Variants in TMEM233 observed in about 807,000 individuals in gnomAD.
TMEM233 encodes the protein transmembrane protein 233.
TMEM233 carries 6 observed loss-of-function variants against 11.2 expected under a neutral mutation model. That is an observed-to-expected ratio of 0.54 (90% CI 0.29 to 1.06). The LOEUF (loss-of-function observed/expected upper bound fraction) is 1.06, where lower values mean the gene tolerates loss of function less well. Ranked by LOEUF, TMEM233 falls within the 50% of genes least tolerant of loss-of-function variation. The pLI is 0.08. For synonymous variants in TMEM233, 59 were observed against 55.8 expected, an observed-to-expected ratio of 1.06 and a Z score of -0.26; for missense variants, 127 against 144.7, an observed-to-expected ratio of 0.88 and a Z score of 0.63.
intron 1 of TMEM233, among the ~76,000 whole-genome samples, chr12:119,615,794 T>C (rs1954517465): frequency 6.6e-6 from 1 of 152,160 alleles, no homozygotes; most frequent in Non-Finnish European, 1.5e-5. Flanking sequence ...TGAAGTGTTA[T>C]GAACTCTCAG....
chr12:119,650,674 G>A, the TMEM233 span, among the ~76,000 whole-genome samples: 10 of 151,772 alleles, frequency 6.6e-5, no homozygotes, highest in South Asian at 4.1e-4. Flanking sequence ...ACGGAGTCTC[G>A]CTCTGTTGCC....
At chr12:119,617,551 C>A (rs1019111203) in intron 1 of TMEM233, among the ~76,000 whole-genome samples, 1 of 152,092 alleles carries the variant, frequency 6.6e-6, no homozygotes, top group South Asian at 2.1e-4. Context: ...AAGAAAACCC[C>A]AGCCGGGCAC....
At chr12:119,646,775 A>G (rs12317821), downstream of TMEM233, among the ~76,000 whole-genome samples, 2,798 of 152,334 alleles carry the variant, frequency 0.018, 95 homozygotes, top group African/African-American at 0.064. Context: ...GATGATCCAG[A>G]AAAATCTCCT....
chr12:119,636,986 T>C (rs1429034300), intron 2 of TMEM233, among the ~76,000 whole-genome samples: 1 of 152,166 alleles, frequency 6.6e-6, no homozygotes, highest in Non-Finnish European at 1.5e-5. Flanking sequence ...GAGAGCCCAC[T>C]GAAGTATGTG....
At chr12:119,600,495 G>T (rs1378845728) in intron 1 of TMEM233, among the ~76,000 whole-genome samples, 1 of 152,030 alleles carries the variant, frequency 6.6e-6, no homozygotes, top group Non-Finnish European at 1.5e-5. Context: ...GGCTGAAGAA[G>T]TAATGTAAAA....
At chr12:119,628,492 CTTTTTTT>C (rs60789807) in intron 1 of TMEM233, among the ~76,000 whole-genome samples, 4 of 52,412 alleles carry the variant, frequency 7.6e-5, no homozygotes, top group Non-Finnish European at 1.3e-4. Flanking sequence ...CCAGCTCACT[CTTTTTTT>C]TTTTTTTTTT....
chr12:119,602,913 ATAT>A (rs1266899426), intron 1 of TMEM233, among the ~76,000 whole-genome samples: 1 of 152,146 alleles, frequency 6.6e-6, no homozygotes, highest in Non-Finnish European at 1.5e-5. Context: ...GGATTTTATT[ATAT>A]TACCCTGTCA....
At chr12:119,620,095 G>C (rs1023138139) in intron 1 of TMEM233, among the ~76,000 whole-genome samples, 10 of 152,302 alleles carry the variant, frequency 6.6e-5, no homozygotes, top group African/African-American at 2.2e-4. Context: ...TCATGAGGGA[G>C]AGCTGGCCAG....
At chr12:119,603,475 T>C (rs985184476) in intron 1 of TMEM233, among the ~76,000 whole-genome samples, 2 of 152,340 alleles carry the variant, frequency 1.3e-5, no homozygotes, top group African/African-American at 4.8e-5. Context: ...ATGATGACTT[T>C]GAAGAATACC....
At chr12:119,635,281 G>T (rs1006449363) in intron 2 of TMEM233, among the ~76,000 whole-genome samples, 1 of 152,102 alleles carries the variant, frequency 6.6e-6, no homozygotes, top group African/African-American at 2.4e-5. Flanking sequence ...ATTCATCTGG[G>T]ATGTTTATAA....
rs1955069401 is a variant in TMEM233, at chr12:119,640,731, G to A, written c.*26G>A. On this transcript the variant is annotated 3_prime_UTR_variant, in exon 3 of 3. Coordinates refer to ENST00000426426, the MANE Select transcript of TMEM233 (RefSeq NM_001136534.3). ...GGAACCAGCGGTCAGTGGGCTGTGA[G>A]CGTGGAGGATGGACCTCATCCACAC... 1.9e-6 allele frequency: 3 copies of A among 1,550,894 alleles called. No homozygotes were observed. The highest frequency in any genetic ancestry group is 2.6e-6 in the Non-Finnish European group (3 of 1,146,948).
intron 1 of TMEM233, among the ~76,000 whole-genome samples, chr12:119,606,036 C>A (rs143758468): frequency 3.9e-5 from 6 of 152,278 alleles, no homozygotes; most frequent in African/African-American, 1.4e-4. Context: ...CCCAGCACGA[C>A]TTTTAGGTGT....
intron 2 of TMEM233, among the ~76,000 whole-genome samples, chr12:119,633,657 AG>A: frequency 6.6e-6 from 1 of 152,018 alleles, no homozygotes; most frequent in East Asian, 1.9e-4. Flanking sequence ...TAGGGGCAAG[AG>A]AGAGAGAGAC....
At chr12:119,614,705 A>G (rs183242106) in intron 1 of TMEM233, among the ~76,000 whole-genome samples, 1 of 152,232 alleles carries the variant, frequency 6.6e-6, no homozygotes, top group Non-Finnish European at 1.5e-5. Flanking sequence ...ACACAGAAAC[A>G]CTGTTTGACT....
At chr12:119,620,657 G>A (rs2136738595) in intron 1 of TMEM233, among the ~76,000 whole-genome samples, 1 of 152,196 alleles carries the variant, frequency 6.6e-6, no homozygotes, top group East Asian at 1.9e-4. Flanking sequence ...AAGTTACAAA[G>A]GAAAGATTGC....
At chr12:119,640,193 C>T (rs938113044) in intron 2 of TMEM233, among the ~76,000 whole-genome samples, 5 of 152,056 alleles carry the variant, frequency 3.3e-5, no homozygotes, top group African/African-American at 1.2e-4. Context: ...CTTGCTCAGT[C>T]GCCCAGGCTG....
chr12:119,603,359 T>C (rs566581034), intron 1 of TMEM233, among the ~76,000 whole-genome samples: 59 of 152,304 alleles, frequency 3.9e-4, no homozygotes, highest in Non-Finnish European at 8.2e-4. Context: ...GCAGATAAGA[T>C]AACAAGACAG....
intron 1 of TMEM233, among the ~76,000 whole-genome samples, chr12:119,614,410 A>ATGAG (rs1954478238): frequency 1.8e-5 from 2 of 112,532 alleles, no homozygotes; most frequent in African/African-American, 4.6e-5. Flanking sequence ...CTCCATCTCA[A>ATGAG]CGAGAGAGAG....
chr12:119,620,829 G>GA lies in TMEM233; in HGVS notation c.187-8899dup, dbSNP rs200162343. Among the ~76,000 whole-genome samples, 545 of 151,610 alleles carry GA rather than the reference G, an allele frequency of 3.6e-3. 4 individuals carry two copies. Among genetic ancestry groups the GA allele is most frequent in the African/African-American group, 0.013 (523 of 41,370 alleles). ...GAAGTTGCCCACCCCATATTAAGTG[G>GA]AAAAAAAAGCAAATTGCAGAACACA... On this transcript the variant is annotated intron_variant, in intron 1 of 2. Transcript: ENST00000426426.
Sources: allele counts gnomAD v4.1 joint callset (sites outside exome capture counted in the v4.1 genomes callset), GRCh38; gene constraint gnomAD v4.1.1; transcripts MANE v1.5; gene names NCBI Gene and HGNC (gene_info 2026-07-23, HGNC 2026-07-21).